The following MUC22 variants were observed in gnomAD, a reference collection of about 807,000 sequenced individuals.
The protein encoded by MUC22 is mucin 22, also known as mucin-22.
A neutral mutation model predicts 40.3 loss-of-function variants in MUC22; 24 were observed. That is an observed-to-expected ratio of 0.60 (90% CI 0.43 to 0.84). The LOEUF (loss-of-function observed/expected upper bound fraction) is 0.84, where lower values mean the gene tolerates loss of function less well. Among genes scored for constraint, MUC22 ranks in the 40% least tolerant of loss-of-function variants. The pLI is 0.00. For missense variants in MUC22, 1,926 were observed against 2,130.7 expected (o/e 0.90, Z 1.89); for synonymous variants, 765 against 844.5 (o/e 0.91, Z 1.63).
At chr6:31,015,863 A>AT (rs28994678) in intron 1 of MUC22, among the ~76,000 whole-genome samples, 18,329 of 151,924 alleles carry the variant, frequency 0.12, 1,330 homozygotes, top group East Asian at 0.33. Flanking sequence ...ATTTTATTGC[A>AT]TTTTTTTCTT....
At chr6:31,016,242 A>G (rs991490709) in intron 1 of MUC22, among the ~76,000 whole-genome samples, 2 of 150,610 alleles carry the variant, frequency 1.3e-5, no homozygotes, top group African/African-American at 2.4e-5. Flanking sequence ...CTTCATAGGG[A>G]TATTTGTTTT....
chr6:31,027,923 A>C (rs868156657), exon 2 of MUC22: 2 of 1,530,676 alleles, frequency 1.3e-6, no homozygotes, highest in Non-Finnish European at 8.7e-7. Flanking sequence ...GACTCTACTG[A>C]AGGCTCTGGG....
At position 31,024,850 on chromosome 6, in the gene MUC22, C is replaced by T. The variant is rs145688027; in HGVS notation, c.71-652C>T. Among the ~76,000 whole-genome samples, 8 of 151,258 alleles carry T rather than the reference C, an allele frequency of 5.3e-5. No homozygotes were observed. In the East Asian group the frequency reaches 1.6e-3, roughly 29 times the overall value. On this transcript the variant is annotated intron_variant, in intron 1 of 3. Coordinates refer to ENST00000561890, the Ensembl canonical transcript of MUC22. ...TCAATCTGTGATGTCCTTCTCCTGG[C>T]CTTTCAAATTGCTGCCTTCTTTTTT...
Position 31,032,317 on chromosome 6 carries a change from C to A in MUC22, c.4791C>A (p.Gly1597=). 1 of 1,535,642 alleles carries A rather than the reference C, an allele frequency of 6.5e-7. No individual in the cohort carries two copies. The highest frequency in any genetic ancestry group is 1.2e-5 in the South Asian group (1 of 84,056). ...CAGGAATAGTCTTAAACACCTCTGG[C>A]CTGGGTACATCCACTATGGGAGCAT... is the stretch of plus-strand genomic sequence containing the variant. Residue 1597 remains glycine (G), a synonymous_variant, in exon 3 of 4, where the codon GGC becomes GGA. Transcript: ENST00000561890. The surrounding 1 kb of genome is among the most constrained non-coding windows in gnomAD (Gnocchi z 4.1).
chr6:31,023,974 A>G (rs1463231536), intron 1 of MUC22, among the ~76,000 whole-genome samples: 2 of 152,236 alleles, frequency 1.3e-5, no homozygotes. Flanking sequence ...GATGGGACAC[A>G]TTGATATTAT....
At chr6:31,021,771 A>G (rs1434802615) in intron 1 of MUC22, among the ~76,000 whole-genome samples, 1 of 152,140 alleles carries the variant, frequency 6.6e-6, no homozygotes, top group East Asian at 1.9e-4. Flanking sequence ...GGCTCTACCA[A>G]TCAGCAGGAT....
upstream of MUC22, among the ~76,000 whole-genome samples, chr6:31,009,406 G>A (rs1634720): frequency 0.76 from 114,998 of 151,966 alleles, 43,751 homozygotes; most frequent in African/African-American, 0.81. Flanking sequence ...TCACCTACCC[G>A]CTTTCCAGAT....
At chr6:31,022,078 T>C (rs1406130627) in intron 1 of MUC22, among the ~76,000 whole-genome samples, 1 of 151,992 alleles carries the variant, frequency 6.6e-6, no homozygotes, top group Admixed American at 6.5e-5. Context: ...GCTTCACTCA[T>C]GAGCCAGCGA....
At chr6:31,029,795 C>T in exon 2 of MUC22, 1 of 1,475,862 alleles carries the variant, frequency 6.8e-7, no homozygotes, top group Non-Finnish European at 9.0e-7. Flanking sequence ...GGCTCTGAGA[C>T]CACCACAGCC....
At chr6:31,034,004 C>T (rs28360042) in intron 3 of MUC22, among the ~76,000 whole-genome samples, 41,379 of 152,080 alleles carry the variant, frequency 0.27, 5,964 homozygotes, top group African/African-American at 0.36. Flanking sequence ...GAGAGAATAA[C>T]GAAAGTGAAC....
In MUC22 at chr6:31,011,834, A is replaced by C. The variant is rs1482187184; in HGVS notation, c.70+1058A>C. Among the ~76,000 whole-genome samples the C allele has an allele frequency of 1.3e-5, 2 of 152,160 alleles. No homozygotes were observed. Among genetic ancestry groups the C allele is most frequent in the African/African-American group, 4.8e-5 (2 of 41,404 alleles). ...TGTAGAAGTGTTCCCTGATCACTGC[A>C]TCTACGCCAACATCTACTGTTTTTT... On this transcript the variant is annotated intron_variant, in intron 1 of 3. Transcript: ENST00000561890. The surrounding 1 kb of genome is among the most constrained non-coding windows in gnomAD (Gnocchi z 4.5).
At chr6:31,027,560 C>T (rs747171279) in exon 2 of MUC22, 1 of 1,527,866 alleles carries the variant, frequency 6.5e-7, no homozygotes, top group South Asian at 1.2e-5. Flanking sequence ...ACAGCTTCTA[C>T]TGAAGGTTCT....
At chr6:31,014,905 G>T (rs73727154) in intron 1 of MUC22, among the ~76,000 whole-genome samples, 18,186 of 152,158 alleles carry the variant, frequency 0.12, 1,270 homozygotes, top group African/African-American at 0.17. Context: ...CTAGAGACAG[G>T]AGGCATGGCA....
At chr6:31,029,793 G>A in exon 2 of MUC22, 1 of 1,475,708 alleles carries the variant, frequency 6.8e-7, no homozygotes, top group Non-Finnish European at 9.0e-7. Flanking sequence ...CAGGCTCTGA[G>A]ACCACCACAG....
chr6:31,008,442 G>A (rs28360974), upstream of MUC22, among the ~76,000 whole-genome samples: 5,197 of 152,270 alleles, frequency 0.034, 106 homozygotes, highest in South Asian at 0.067. Context: ...GAAAGAAGTG[G>A]AGGGGAGAGC....
At chr6:31,013,272 G>A (rs181569008) in intron 1 of MUC22, among the ~76,000 whole-genome samples, 2,626 of 151,792 alleles carry the variant, frequency 0.017, 39 homozygotes, top group African/African-American at 0.028. Flanking sequence ...GACTACAGGC[G>A]CACACCGCCA....
intron 1 of MUC22, among the ~76,000 whole-genome samples, chr6:31,018,085 C>T (rs912347603): frequency 2.6e-5 from 4 of 152,172 alleles, no homozygotes; most frequent in Non-Finnish European, 5.9e-5. Flanking sequence ...ACACTCACGG[C>T]GAGAGTCCAC....
chr6:31,008,767 G>A (rs1763680600), upstream of MUC22, among the ~76,000 whole-genome samples: 2 of 152,036 alleles, frequency 1.3e-5, no homozygotes, highest in Admixed American at 1.3e-4. Context: ...ATGTTGATCA[G>A]GCTGGTCTCA....
At chr6:31,017,878 C>G (rs898711386) in intron 1 of MUC22, among the ~76,000 whole-genome samples, 3 of 152,122 alleles carry the variant, frequency 2.0e-5, no homozygotes, top group Non-Finnish European at 2.9e-5. Context: ...AAACTTTGTT[C>G]TTTCACTCTT....
Sources: allele counts gnomAD v4.1 joint callset (sites outside exome capture counted in the v4.1 genomes callset), GRCh38; gene constraint gnomAD v4.1.1; non-coding constraint Gnocchi (gnomAD v3.1); transcripts MANE v1.5; gene names NCBI Gene and HGNC (gene_info 2026-07-23, HGNC 2026-07-21).